The following SLC9A3 variants were observed in gnomAD, a reference collection of about 807,000 sequenced individuals.
SLC9A3 encodes the protein solute carrier family 9 member A3, also known as sodium/hydrogen exchanger 3.
Under a neutral mutation model 86.8 loss-of-function variants are expected in SLC9A3, and 37 were observed. The observed-to-expected ratio is 0.43, with a 90% CI of 0.33 to 0.56. The LOEUF (loss-of-function observed/expected upper bound fraction) is 0.56, where lower values mean the gene tolerates loss of function less well. Among genes scored for constraint, SLC9A3 ranks in the 20% least tolerant of loss-of-function variants. SLC9A3 has a pLI of 0.06. For missense variants in SLC9A3, 1,011 were observed against 1,171.9 expected (o/e 0.86, Z 2.00); for synonymous variants, 581 against 528.3 (o/e 1.10, Z -1.37).
Position 476,537 on chromosome 5 carries a change from GC to G in SLC9A3, c.1890+5del. 6.2e-7 allele frequency: 1 copy of G among 1,610,628 alleles called. No individual in the cohort carries two copies. On this transcript the variant is annotated splice_donor_5th_base_variant and intron_variant, in intron 12 of 16. Coordinates refer to ENST00000264938, the MANE Select transcript of SLC9A3 (RefSeq NM_004174.4). The stretch of plus-strand genomic sequence containing the variant: ...GGTCCTCCAGCCCCCAGCCCGCAGT[GC>G]CCACCTCCTGCCGCGGCTTGTACAG...
At chr5:494,827 G>A (rs115213545) in intron 1 of SLC9A3, among the ~76,000 whole-genome samples, 4,961 of 152,302 alleles carry the variant, frequency 0.033, 287 homozygotes, top group African/African-American at 0.11. Flanking sequence ...CCTGGAGGCT[G>A]CCCAGCCGCT....
intron 1 of SLC9A3, among the ~76,000 whole-genome samples, chr5:514,207 C>A (rs1235488344): frequency 6.6e-6 from 1 of 152,264 alleles, no homozygotes; most frequent in African/African-American, 2.4e-5. Flanking sequence ...CTGGAAGTGG[C>A]GCTCACATGG....
At chr5:495,101 G>A (rs948860098) in intron 1 of SLC9A3, among the ~76,000 whole-genome samples, 1 of 129,890 alleles carries the variant, frequency 7.7e-6, no homozygotes, top group Non-Finnish European at 1.8e-5. Flanking sequence ...AGGTGGGGGG[G>A]CGCCGTGGCC....
rs191669572 is a variant in SLC9A3 at position 492,015 on chromosome 5, C to T, written c.268G>A (p.Val90Met). 298 of 1,586,070 alleles carry T rather than the reference C, an allele frequency of 1.9e-4. 3 individuals carry two copies. The East Asian group carries it at 4.9e-3, about 26-fold the overall frequency. ...SVVPESALLI[V>M]LGLVLGGIVW... ...ATGCCGCCCAGCACCAGGCCCAGCA[C>T]GATGAGCAGGGCGCTCTCGGGAACC... Residue 90 changes from valine to methionine, a missense_variant, in exon 2 of 17, where the codon GTG (valine) becomes ATG (methionine). Around this residue, in one of 3 missense-constraint regions of SLC9A3, gnomAD observed 565 missense variants for 790.0 expected, o/e 0.72. Transcript: ENST00000264938.
intron 3 of SLC9A3, among the ~76,000 whole-genome samples, chr5:487,725 T>C (rs565010050): frequency 6.6e-6 from 1 of 152,364 alleles, no homozygotes; most frequent in Non-Finnish European, 1.5e-5. Context: ...TGGAGTGCGA[T>C]GGCACGATCT....
rs368459613 is a variant in SLC9A3, at chr5:477,399, C to T, written c.1693G>A (p.Asp565Asn). The change falls in exon 11 of 17, where the codon GAC becomes AAC. Residue 565 changes from aspartate (D) to asparagine (N), a missense_variant. Coordinates refer to ENST00000264938, the MANE Select transcript of SLC9A3 (RefSeq NM_004174.4). ...SLAFIRSPST[D>N]NVVNVDFTPR... ...GTGAAGTCCACGTTGACCACGTTGT[C>T]GGTGCTGGGGGAGCGGATGAAGGCC... The T allele has an allele frequency of 7.2e-5, 116 of 1,612,976 alleles. 1 individual carries two copies. The South Asian group carries it at 8.0e-4, about 11-fold the overall frequency.
chr5:483,174 T>A, intron 6 of SLC9A3, 88 bp downstream of exon 6: 3 of 1,035,366 alleles, frequency 2.9e-6, no homozygotes, highest in Non-Finnish European at 4.3e-6. Context: ...CACCTCCATC[T>A]CCCTGGGCCC....
intron 11 of SLC9A3, chr5:476,985 T>C (rs1441904979): frequency 5.8e-6 from 3 of 520,492 alleles, no homozygotes; most frequent in Non-Finnish European, 1.0e-5. Flanking sequence ...TCTGGCAGAG[T>C]GGACCTCCTA....
In SLC9A3 at chr5:497,192, T is replaced by C. The variant is rs1740058942; in HGVS notation, c.212-5121A>G. 6.6e-6 allele frequency among the ~76,000 whole-genome samples: 1 copy of C among 152,096 alleles called. No individual in the cohort carries two copies. On this transcript the variant is annotated intron_variant, in intron 1 of 16. Transcript: ENST00000264938. The surrounding 1 kb of genome is among the most constrained non-coding windows in gnomAD (Gnocchi z 5.4). ...TGAAATCCCCGAGCCTGGAAGTGGATCTGGGTGGCACTGGTGGGTGCTCCC... is the reference window on the plus strand; with the variant it reads ...TGAAATCCCCGAGCCTGGAAGTGGACCTGGGTGGCACTGGTGGGTGCTCCC...
rs1739255250 is a variant in SLC9A3, at chr5:482,531, G to A, written c.1356+17C>T. 1 of 1,597,362 alleles carries A rather than the reference G, an allele frequency of 6.3e-7. No individual in the cohort carries two copies. Among genetic ancestry groups the A allele is most frequent in the Non-Finnish European group, 8.6e-7 (1 of 1,167,710 alleles). ...GGGCGGGGCCGAGACCCCAGGGCTGGCTGGGCTGGGCCTCACCTGGAAGAT... is the reference window on the plus strand; with the variant it reads ...GGGCGGGGCCGAGACCCCAGGGCTGACTGGGCTGGGCCTCACCTGGAAGAT... On this transcript the variant is annotated intron_variant, in intron 7 of 16. Coordinates refer to ENST00000264938, the MANE Select transcript of SLC9A3 (RefSeq NM_004174.4).
rs558365546 is a variant in SLC9A3 at position 471,280 on chromosome 5, C to CA, written c.*2098dup. 9.5e-5 allele frequency: 16 copies of CA among 168,184 alleles called. No individual in the cohort carries two copies. In the South Asian group the frequency reaches 2.2e-3, roughly 23 times the overall value. 10.4% of individuals were successfully genotyped at this position (168,184 alleles called of 1,614,324 possible). A position where few individuals can be genotyped will look rare whatever the true frequency, so the allele number is the denominator to read the frequency against. ...CCAGGGAGGAGCGATCGGGAGTGGC[C>CA]AAGCAGTTGCCTGGACTCAGCTTCT... is the stretch of plus-strand genomic sequence containing the variant. On this transcript the variant is annotated 3_prime_UTR_variant, in exon 17 of 17. Coordinates refer to ENST00000264938, the MANE Select transcript of SLC9A3 (RefSeq NM_004174.4).
chr5:488,747 C>T (rs6869782), intron 2 of SLC9A3, among the ~76,000 whole-genome samples: 29,823 of 152,266 alleles, frequency 0.2, 3,812 homozygotes, highest in Non-Finnish European at 0.28. Flanking sequence ...TTTGGGTGAA[C>T]GGAGGCAGGT....
intron 1 of SLC9A3, among the ~76,000 whole-genome samples, chr5:518,318 CCTGGCACCCTGA>C: frequency 6.6e-6 from 1 of 152,014 alleles, no homozygotes. Flanking sequence ...TACCCTGAGA[CCTGGCACCCTGA>C]GACCTGATAC....
chr5:506,765 C>T (rs550611501), intron 1 of SLC9A3, among the ~76,000 whole-genome samples: 13 of 152,272 alleles, frequency 8.5e-5, no homozygotes, highest in African/African-American at 2.6e-4. Flanking sequence ...TATTTATTAT[C>T]CTTGTTTTAA....
At chr5:475,215 G>T (rs1738642381) in intron 15 of SLC9A3, 83 bp from the exon 16 acceptor site, 1 of 1,438,300 alleles carries the variant, frequency 7.0e-7, no homozygotes, top group South Asian at 1.3e-5. Flanking sequence ...TCACCTGCTG[G>T]GTGCCTTGGA....
In SLC9A3 at chr5:484,602, T is replaced by C; in HGVS notation, c.850A>G (p.Ile284Val). Reference sequence around the variant, plus strand: ...ATGAACACGAAGCCGGGCTCGATGATACGCACATGCTTGGTGAAGCGCGTC... The same window carrying C: ...ATGAACACGAAGCCGGGCTCGATGACACGCACATGCTTGGTGAAGCGCGTC... The part of the protein sequence containing the change: ...LVTRFTKHVR[I>V]IEPGFVFIIS... The change falls in exon 5 of 17, where the codon ATC becomes GTC. Residue 284 changes from isoleucine (I) to valine (V), a missense_variant. Transcript: ENST00000264938. 1 of 1,613,302 alleles carries C rather than the reference T, an allele frequency of 6.2e-7. No homozygotes were observed. Among genetic ancestry groups the C allele is most frequent in the Non-Finnish European group, 8.5e-7 (1 of 1,179,966 alleles).
At chr5:475,730 A>G in intron 14 of SLC9A3, 59 bp from the exon 15 acceptor site, 1 of 947,058 alleles carries the variant, frequency 1.1e-6, no homozygotes, top group African/African-American at 1.6e-5. Context: ...CTCACAGCCC[A>G]GTCAGCAGTG....
chr5:483,118 C>T (rs769113720), intron 6 of SLC9A3, 144 bp downstream of exon 6: 260 of 674,310 alleles, frequency 3.9e-4, no homozygotes, highest in Non-Finnish European at 5.7e-4. Flanking sequence ...ACCCCAGCCC[C>T]GAGGCCGCCA....
rs1740027606 is a variant in SLC9A3, at chr5:496,483, ATTGACACGAGGTTCTTCGTAAGC to A, written c.212-4435_212-4413del. On this transcript the variant is annotated intron_variant, in intron 1 of 16. Transcript: ENST00000264938. This position sits in a 1 kb window ranked among gnomAD's most constrained non-coding sequence, Gnocchi z 4.7. ...CCCTGCCGGGCACTGATCCTTTCCT[ATTGACACGAGGTTCTTCGTAAGC>A]TGGAAAATCCAGCCTTTGCTTATGT... is the stretch of plus-strand genomic sequence containing the variant. Among the ~76,000 whole-genome samples, 2 of 152,172 alleles carry A rather than the reference ATTGACACGAGGTTCTTCGTAAGC, an allele frequency of 1.3e-5. No homozygotes were observed. Among genetic ancestry groups the A allele is most frequent in the African/African-American group, 2.4e-5 (1 of 41,434 alleles).
Sources: allele counts gnomAD v4.1 joint callset (sites outside exome capture counted in the v4.1 genomes callset), GRCh38; gene constraint gnomAD v4.1.1; regional missense constraint gnomAD v4.1.1; non-coding constraint Gnocchi (gnomAD v3.1); transcripts MANE v1.5; gene names NCBI Gene and HGNC (gene_info 2026-07-23, HGNC 2026-07-21).